ADCY2: variants seen among roughly 807,000 people sequenced by gnomAD.
ADCY2 encodes the protein adenylate cyclase 2, also known as adenylate cyclase type 2.
ADCY2 carries 31 observed loss-of-function variants against 125.2 expected under a neutral mutation model. The observed-to-expected ratio is 0.25, with a 90% CI of 0.19 to 0.33. ADCY2 has a LOEUF of 0.33. Among genes scored for constraint, ADCY2 ranks in the 10% least tolerant of loss-of-function variants. The pLI, the probability that ADCY2 is intolerant of heterozygous loss-of-function variation, is 1.00. For missense variants in ADCY2, 904 were observed against 1,418.2 expected (o/e 0.64, Z 5.82); for synonymous variants, 512 against 548.4 (o/e 0.93, Z 0.93).
chr5:7,415,000 T>A (rs1448507510), intron 2 of ADCY2, among the ~76,000 whole-genome samples: 1 of 152,004 alleles, frequency 6.6e-6, no homozygotes, highest in East Asian at 1.9e-4. Flanking sequence ...TGTATTTATA[T>A]CTGTATGTAT....
intron 2 of ADCY2, among the ~76,000 whole-genome samples, chr5:7,469,433 C>T (rs1579474861): frequency 6.6e-6 from 1 of 151,814 alleles, no homozygotes; most frequent in Admixed American, 6.6e-5. Context: ...ACGTAACAGT[C>T]CTTTATTGTG....
At chr5:7,651,929 A>G (rs1390230917) in intron 4 of ADCY2, among the ~76,000 whole-genome samples, 1 of 152,080 alleles carries the variant, frequency 6.6e-6, no homozygotes, top group South Asian at 2.1e-4. Context: ...CAACCTCCCA[A>G]GTAGCTAGGA....
chr5:7,688,434 A>AT (rs56951721), intron 4 of ADCY2, among the ~76,000 whole-genome samples: 66,786 of 150,900 alleles, frequency 0.44, 15,465 homozygotes, highest in East Asian at 0.83. Context: ...TGCCCAGCTA[A>AT]TTTTTTTTAT....
Position 7,727,155 on chromosome 5 carries a change from C to G in ADCY2, c.1774-9C>G, listed in dbSNP as rs947715853. On this transcript the variant is annotated splice_polypyrimidine_tract_variant and intron_variant, in intron 13 of 24. Transcript: ENST00000338316. ...AACTGTCACTCACAGGTTCCTTTCTCCCCCTCAGTACCGGGCCACGGCACT... is the reference window on the plus strand; with the variant it reads ...AACTGTCACTCACAGGTTCCTTTCTGCCCCTCAGTACCGGGCCACGGCACT... 1 of 1,609,504 alleles carries G rather than the reference C, an allele frequency of 6.2e-7. No homozygotes were observed.
chr5:7,804,040 A>AAGAGAGAGAGAGAGAGATAG (rs1744682846), intron 21 of ADCY2, among the ~76,000 whole-genome samples: 1 of 106,586 alleles, frequency 9.4e-6, no homozygotes, highest in South Asian at 3.4e-4. Flanking sequence ...GGAGGGGGGA[A>AAGAGAGAGAGAGAGAGATAG]AGAGAGAGAG....
At chr5:7,503,123 T>C (rs551471006) in intron 2 of ADCY2, among the ~76,000 whole-genome samples, 23 of 152,310 alleles carry the variant, frequency 1.5e-4, no homozygotes, top group Admixed American at 3.9e-4. Flanking sequence ...CAGAAGGTGC[T>C]TGATAAATGT....
intron 9 of ADCY2, 106 bp downstream of exon 9, chr5:7,707,944 T>C (rs1741313412): frequency 1.0e-5 from 13 of 1,269,252 alleles, no homozygotes; most frequent in African/African-American, 1.5e-5. Context: ...TGCTACTCTT[T>C]GTCCCCAAAA....
intron 4 of ADCY2, among the ~76,000 whole-genome samples, chr5:7,652,620 C>T (rs1739137863): frequency 6.6e-6 from 1 of 152,126 alleles, no homozygotes; most frequent in Non-Finnish European, 1.5e-5. Flanking sequence ...TATAGAATTC[C>T]TTTTGTCAGG....
intron 2 of ADCY2, among the ~76,000 whole-genome samples, chr5:7,501,803 C>G (rs1206580089): frequency 1.3e-5 from 2 of 152,018 alleles, no homozygotes; most frequent in Non-Finnish European, 2.9e-5. Context: ...GTCCACCAGG[C>G]AGGGAGCCTG....
At chr5:7,494,934 G>A (rs898131298) in intron 2 of ADCY2, among the ~76,000 whole-genome samples, 19 of 152,188 alleles carry the variant, frequency 1.2e-4, no homozygotes, top group African/African-American at 4.3e-4. Flanking sequence ...GAGAACACCG[G>A]ACCAGCTGCC....
intron 4 of ADCY2, among the ~76,000 whole-genome samples, chr5:7,672,212 T>C (rs773939843): frequency 6.6e-6 from 1 of 152,224 alleles, no homozygotes; most frequent in Non-Finnish European, 1.5e-5. Flanking sequence ...AAAAGATCTA[T>C]TGTATGGCTT....
intron 4 of ADCY2, among the ~76,000 whole-genome samples, chr5:7,650,629 G>A (rs1387871534): frequency 2.0e-5 from 3 of 152,048 alleles, no homozygotes; most frequent in South Asian, 2.1e-4. Flanking sequence ...CTTGCCCCCC[G>A]GACAGTGGCT....
chr5:7,434,189 A>G (rs1740711653), intron 2 of ADCY2, among the ~76,000 whole-genome samples: 1 of 152,226 alleles, frequency 6.6e-6, no homozygotes, highest in Non-Finnish European at 1.5e-5. Context: ...CTAGTCTTAC[A>G]CGCATGCATG....
At chr5:7,757,978 A>T (rs987725235) in intron 16 of ADCY2, among the ~76,000 whole-genome samples, 4 of 152,162 alleles carry the variant, frequency 2.6e-5, no homozygotes, top group African/African-American at 9.7e-5. Flanking sequence ...TACAGAAATA[A>T]CTGCAATGTC....
intron 2 of ADCY2, among the ~76,000 whole-genome samples, chr5:7,435,510 T>C (rs1321625873): frequency 1.3e-5 from 2 of 152,204 alleles, no homozygotes; most frequent in Non-Finnish European, 2.9e-5. Context: ...ATACAACAGC[T>C]CATTTCTAAG....
intron 2 of ADCY2, among the ~76,000 whole-genome samples, chr5:7,506,789 CTTTTTTTTT>C (rs70940743): frequency 9.1e-5 from 5 of 55,060 alleles, no homozygotes; most frequent in South Asian, 7.5e-4. Flanking sequence ...ATGCGTTGCT[CTTTTTTTTT>C]TTTTTTTTTT....
At chr5:7,472,150 C>A (rs1213208173) in intron 2 of ADCY2, among the ~76,000 whole-genome samples, 1 of 152,102 alleles carries the variant, frequency 6.6e-6, no homozygotes, top group Non-Finnish European at 1.5e-5. Context: ...GGATTCTGAT[C>A]ACATAGGTTA....
chr5:7,402,552 C>T (rs1340180142), intron 1 of ADCY2, among the ~76,000 whole-genome samples: 1 of 152,136 alleles, frequency 6.6e-6, no homozygotes, highest in East Asian at 1.9e-4. Flanking sequence ...TTGTGGGCTG[C>T]TTTACCAGCT....
chr5:7,531,658 A>G (rs542427053), intron 3 of ADCY2, among the ~76,000 whole-genome samples: 2 of 152,054 alleles, frequency 1.3e-5, no homozygotes, highest in South Asian at 4.2e-4. Context: ...CATAGGTCCT[A>G]TCTATGCCCC....
Sources: allele counts gnomAD v4.1 joint callset (sites outside exome capture counted in the v4.1 genomes callset), GRCh38; gene constraint gnomAD v4.1.1; transcripts MANE v1.5; gene names NCBI Gene and HGNC (gene_info 2026-07-23, HGNC 2026-07-21).